Variants in PLPP7 observed in about 807,000 individuals in gnomAD.
The protein encoded by PLPP7 is phospholipid phosphatase 7 (inactive).
PLPP7 carries 11 observed loss-of-function variants against 16.9 expected under a neutral mutation model. That is an observed-to-expected ratio of 0.65 (90% confidence interval 0.41 to 1.08). The LOEUF is 1.08. Among genes scored for constraint, PLPP7 ranks in the 50% least tolerant of loss-of-function variants. The pLI, the probability that PLPP7 is intolerant of heterozygous loss-of-function variation, is 0.00. For missense variants in PLPP7, 358 were observed against 397.1 expected (o/e 0.90, Z 0.84); for synonymous variants, 174 against 175.1 (o/e 0.99, Z 0.05).
At chr9:131,299,783 G>A (rs1007678427) in intron 1 of PLPP7, among the ~76,000 whole-genome samples, 2 of 152,204 alleles carry the variant, frequency 1.3e-5, no homozygotes, top group Non-Finnish European at 2.9e-5. Context: ...CGTTCACAGT[G>A]CCAGGCCTGA....
At chr9:131,292,152 G>A (rs375477282) in intron 1 of PLPP7, among the ~76,000 whole-genome samples, 1 of 152,210 alleles carries the variant, frequency 6.6e-6, no homozygotes, top group African/African-American at 2.4e-5. Flanking sequence ...TAGGCCAGGC[G>A]CTTCCAGGGG....
At chr9:131,302,062 G>A (rs756869907) in intron 1 of PLPP7, among the ~76,000 whole-genome samples, 4 of 151,996 alleles carry the variant, frequency 2.6e-5, no homozygotes, top group South Asian at 2.1e-4. Flanking sequence ...CAGGCGCTCC[G>A]TCCACCTCGG....
rs1835723126 is a variant in PLPP7 at position 131,295,211 on chromosome 9, T to C, written c.451+4763T>C. On this transcript the variant is annotated intron_variant, in intron 1 of 1. Coordinates refer to ENST00000372264, the MANE Select transcript of PLPP7 (RefSeq NM_032728.4). This position sits in a 1 kb window ranked among gnomAD's most constrained non-coding sequence, Gnocchi z 4.0. Reference sequence around the variant, plus strand: ...CTCTGTCACCCAGGCTGGACTGCAGTGCTGTGATCTTGGCTCACAGCAACC... The same window carrying C: ...CTCTGTCACCCAGGCTGGACTGCAGCGCTGTGATCTTGGCTCACAGCAACC... Among the ~76,000 whole-genome samples the C allele has an allele frequency of 1.3e-5, 2 of 152,072 alleles. No individual in the cohort carries two copies. The highest frequency in any genetic ancestry group is 4.1e-4 in the South Asian group (2 of 4,826).
chr9:131,292,975 A>G, intron 1 of PLPP7: 1 of 984,686 alleles, frequency 1.0e-6, no homozygotes, highest in Non-Finnish European at 1.2e-6. Flanking sequence ...GACATTTTTA[A>G]AAATCTTTAA....
intron 1 of PLPP7, among the ~76,000 whole-genome samples, chr9:131,297,612 C>T (rs529926346): frequency 2.0e-5 from 3 of 152,134 alleles, no homozygotes; most frequent in Admixed American, 6.5e-5. Flanking sequence ...TCTCGAACTC[C>T]TGAGCTCAAG....
intron 1 of PLPP7, among the ~76,000 whole-genome samples, chr9:131,305,683 T>C (rs1027111603): frequency 6.6e-6 from 1 of 152,110 alleles, no homozygotes; most frequent in African/African-American, 2.4e-5. Context: ...TTTGTAGAGA[T>C]GGGGTTTTGC....
chr9:131,292,747 A>T (rs1395434037), intron 1 of PLPP7: 2 of 979,974 alleles, frequency 2.0e-6, no homozygotes, highest in South Asian at 9.5e-5. Context: ...GCTGCCTCAC[A>T]TCACCAAGTA....
Position 131,290,642 on chromosome 9 carries a change from C to T in PLPP7, c.451+194C>T, listed in dbSNP as rs966263166. On this transcript the variant is annotated intron_variant, in intron 1 of 1. Transcript: ENST00000372264. This position sits in a 1 kb window ranked among gnomAD's most constrained non-coding sequence, Gnocchi z 4.2. ...GGAGCGACAGCCAGGGATGCATAGA[C>T]GAGGCTCTCCTGCCACATGCCAAAT... Among the ~76,000 whole-genome samples, 6 of 152,296 alleles carry T rather than the reference C, an allele frequency of 3.9e-5. No individual in the cohort carries two copies. In the East Asian group the frequency reaches 7.7e-4, roughly 20 times the overall value.
rs1446674992 is a variant in PLPP7 at position 131,295,497 on chromosome 9, C to T, written c.451+5049C>T. 1.3e-5 allele frequency among the ~76,000 whole-genome samples: 2 copies of T among 152,152 alleles called. No individual in the cohort carries two copies. The highest frequency in any genetic ancestry group is 6.6e-5 in the Admixed American group (1 of 15,266). ...TCATTTTTTATTGTGATAAGCTATA[C>T]ATCACACAAAATTGATCATTGTAGT... is the stretch of plus-strand genomic sequence containing the variant. On this transcript the variant is annotated intron_variant, in intron 1 of 1. Coordinates refer to ENST00000372264, the MANE Select transcript of PLPP7 (RefSeq NM_032728.4). This position sits in a 1 kb window ranked among gnomAD's most constrained non-coding sequence, Gnocchi z 4.0.
chr9:131,289,868 T>C lies in PLPP7; in HGVS notation c.-130T>C, dbSNP rs1366434922. The C allele has an allele frequency of 1.1e-5, 8 of 702,838 alleles. No homozygotes were observed. The highest frequency in any genetic ancestry group is 1.8e-5 in the African/African-American group (1 of 54,108). The allele number at this position is 702,838 out of a possible 1,614,324, so 43.5% of individuals were successfully genotyped here. ...CAGCCATGTGCAACTCTCCACACTA[T>C]ATTTAACAGCTGCGGCGGAGAAGGC... On this transcript the variant is annotated 5_prime_UTR_variant, in exon 1 of 2. Transcript: ENST00000372264.
Position 131,295,913 on chromosome 9 carries a change from A to T in PLPP7, c.451+5465A>T, listed in dbSNP as rs1228769846. Among the ~76,000 whole-genome samples, 2 of 152,200 alleles carry T rather than the reference A, an allele frequency of 1.3e-5. No homozygotes were observed. Among genetic ancestry groups the T allele is most frequent in the Non-Finnish European group, 2.9e-5 (2 of 68,042 alleles). ...TGTATCCATTCGTGCACCCATGGAC[A>T]CTTCGGTTGCTTCCACATTTTAGCT... On this transcript the variant is annotated intron_variant, in intron 1 of 1. Coordinates refer to ENST00000372264, the MANE Select transcript of PLPP7 (RefSeq NM_032728.4). The surrounding 1 kb of genome is among the most constrained non-coding windows in gnomAD (Gnocchi z 4.0).
chr9:131,292,478 A>C (rs915450939), intron 1 of PLPP7, among the ~76,000 whole-genome samples: 2 of 152,116 alleles, frequency 1.3e-5, no homozygotes, highest in African/African-American at 2.4e-5. Flanking sequence ...CCATTTAAAG[A>C]GGGGGAAATT....
chr9:131,297,790 C>T (rs1279637949), intron 1 of PLPP7, among the ~76,000 whole-genome samples: 1 of 152,220 alleles, frequency 6.6e-6, no homozygotes, highest in Admixed American at 6.5e-5. Context: ...ACCCCTAATC[C>T]TCTTGCCCAG....
intron 1 of PLPP7, among the ~76,000 whole-genome samples, chr9:131,306,415 G>A (rs1181467466): frequency 1.3e-5 from 2 of 151,742 alleles, no homozygotes; most frequent in African/African-American, 4.8e-5. Flanking sequence ...GGCAGCGTGC[G>A]CCTGTAATCC....
At chr9:131,306,467 G>A (rs530606681) in intron 1 of PLPP7, among the ~76,000 whole-genome samples, 34 of 79,110 alleles carry the variant, frequency 4.3e-4, no homozygotes, top group East Asian at 1.2e-3. Flanking sequence ...ACGTGAACCC[G>A]GGAGGTGGGC....
In PLPP7 at chr9:131,308,525, T is replaced by C; in HGVS notation, c.*238T>C. The C allele has an allele frequency of 3.0e-6, 2 of 671,978 alleles. No homozygotes were observed. The highest frequency in any genetic ancestry group is 4.0e-5 in the South Asian group (2 of 50,614). 41.6% of individuals were successfully genotyped at this position (671,978 alleles called of 1,614,324 possible). The stretch of plus-strand genomic sequence containing the variant: ...TTGCTTGGACTCCAAGTCTCCTCTC[T>C]AGGCAGCCAGGACCCACCCATGGGG... On this transcript the variant is annotated 3_prime_UTR_variant, in exon 2 of 2. Coordinates refer to ENST00000372264, the MANE Select transcript of PLPP7 (RefSeq NM_032728.4).
At position 131,309,199 on chromosome 9, in the gene PLPP7, G is replaced by A. The variant is rs998018798; in HGVS notation, c.*912G>A. 5.9e-5 allele frequency: 9 copies of A among 152,666 alleles called. No individual in the cohort carries two copies. Among genetic ancestry groups the A allele is most frequent in the African/African-American group, 9.6e-5 (4 of 41,472 alleles). 9.5% of individuals were successfully genotyped at this position (152,666 alleles called of 1,614,324 possible). On this transcript the variant is annotated 3_prime_UTR_variant, in exon 2 of 2. Coordinates refer to ENST00000372264, the MANE Select transcript of PLPP7 (RefSeq NM_032728.4). ...CGGACTCCGTGTGACCTAATAGGTC[G>A]TTTCCAAGTCACCCGTTTTGGATGT...
Position 131,303,677 on chromosome 9 carries a change from G to A in PLPP7, c.452-4246G>A, listed in dbSNP as rs567107577. On this transcript the variant is annotated intron_variant, in intron 1 of 1. Transcript: ENST00000372264. ...GGGGACCAACTCAATCATTTGCTGC[G>A]ACTTCCATGCTTTAGCACTGAATAT... Among the ~76,000 whole-genome samples the A allele has an allele frequency of 1.6e-4, 24 of 152,192 alleles. No individual in the cohort carries two copies. The South Asian group carries it at 4.2e-3, about 26-fold the overall frequency.
At chr9:131,305,206 C>T (rs982750333) in intron 1 of PLPP7, among the ~76,000 whole-genome samples, 2 of 152,166 alleles carry the variant, frequency 1.3e-5, no homozygotes, top group African/African-American at 2.4e-5. Context: ...GCATGAGTCA[C>T]GGCAGCCGAA....
Sources: allele counts gnomAD v4.1 joint callset (sites outside exome capture counted in the v4.1 genomes callset), GRCh38; gene constraint gnomAD v4.1.1; non-coding constraint Gnocchi (gnomAD v3.1); transcripts MANE v1.5; gene names NCBI Gene and HGNC (gene_info 2026-07-23, HGNC 2026-07-21).